The following CADPS variants were observed in gnomAD, a reference collection of about 807,000 sequenced individuals.
CADPS encodes calcium dependent secretion activator.
In CADPS, 57 loss-of-function variants were observed where a neutral mutation model predicts 167.3. That is an observed-to-expected ratio of 0.34 (90% CI 0.28 to 0.42). CADPS has a LOEUF of 0.42. Among genes scored for constraint, CADPS ranks in the 20% least tolerant of loss-of-function variants. The pLI, the probability that CADPS is intolerant of heterozygous loss-of-function variation, is 1.00. For missense variants in CADPS, 1,414 were observed against 1,738.1 expected (o/e 0.81, Z 3.32); for synonymous variants, 676 against 635.3 (o/e 1.06, Z -0.96).
At chr3:62,541,521 T>C (rs1289233351) in intron 11 of CADPS, among the ~76,000 whole-genome samples, 1 of 152,160 alleles carries the variant, frequency 6.6e-6, no homozygotes, top group East Asian at 1.9e-4. Context: ...TTGATGAACA[T>C]ACAGACTTAC....
chr3:62,467,959 CTT>C (rs2060138723), intron 24 of CADPS, among the ~76,000 whole-genome samples: 1 of 152,080 alleles, frequency 6.6e-6, no homozygotes, highest in African/African-American at 2.4e-5. Context: ...GAGAGACAGT[CTT>C]ATCACTTAGT....
chr3:62,623,569 C>A (rs1330484677), intron 6 of CADPS, among the ~76,000 whole-genome samples: 1 of 152,284 alleles, frequency 6.6e-6, no homozygotes, highest in South Asian at 2.1e-4. Flanking sequence ...ACCCAAGAAT[C>A]AAGCCCTAAA....
At chr3:62,870,460 C>A (rs552844889) in intron 1 of CADPS, among the ~76,000 whole-genome samples, 2 of 152,108 alleles carry the variant, frequency 1.3e-5, no homozygotes, top group African/African-American at 2.4e-5. Context: ...TTTAGTCTTG[C>A]CCAAATAAGC....
intron 4 of CADPS, among the ~76,000 whole-genome samples, chr3:62,661,126 T>C (rs1399092206): frequency 6.6e-6 from 1 of 152,186 alleles, no homozygotes; most frequent in African/African-American, 2.4e-5. Context: ...ATATCAGAGA[T>C]GGCAGGGATA....
intron 21 of CADPS, among the ~76,000 whole-genome samples, chr3:62,483,243 G>A (rs997037417): frequency 4.7e-5 from 7 of 150,302 alleles, no homozygotes; most frequent in African/African-American, 1.7e-4. Context: ...TGGGCAAGCT[G>A]TGTTTGACTA....
chr3:62,762,895 C>G (rs2085855556), intron 2 of CADPS, among the ~76,000 whole-genome samples: 1 of 152,024 alleles, frequency 6.6e-6, no homozygotes, highest in South Asian at 2.1e-4. Flanking sequence ...TGCTGTTACA[C>G]TATTTTTTAA....
intron 1 of CADPS, among the ~76,000 whole-genome samples, chr3:62,782,176 A>G (rs971649979): frequency 9.2e-5 from 14 of 152,186 alleles, no homozygotes; most frequent in East Asian, 7.8e-4. Context: ...CCAGGGGGGA[A>G]AAAAGACATT....
intron 1 of CADPS, among the ~76,000 whole-genome samples, chr3:62,823,821 G>T (rs1409749144): frequency 6.6e-6 from 1 of 152,098 alleles, no homozygotes; most frequent in Non-Finnish European, 1.5e-5. Context: ...ATTCCTGCTG[G>T]TTGCCTTTCC....
intron 3 of CADPS, among the ~76,000 whole-genome samples, chr3:62,664,003 C>A (rs1019134868): frequency 3.9e-5 from 6 of 152,092 alleles, no homozygotes; most frequent in Non-Finnish European, 1.5e-5. Context: ...TTGACCAACT[C>A]AACTATTTAT....
At chr3:62,816,414 T>C (rs1306931535) in intron 1 of CADPS, among the ~76,000 whole-genome samples, 1 of 152,056 alleles carries the variant, frequency 6.6e-6, no homozygotes, top group Non-Finnish European at 1.5e-5. Flanking sequence ...CCCAGGAAAG[T>C]AACTTGTGTT....
At chr3:62,654,665 G>C (rs2071078627) in intron 4 of CADPS, among the ~76,000 whole-genome samples, 1 of 152,114 alleles carries the variant, frequency 6.6e-6, no homozygotes, top group Non-Finnish European at 1.5e-5. Context: ...GGCTGTCACG[G>C]AACAAAGGTT....
intron 6 of CADPS, among the ~76,000 whole-genome samples, chr3:62,642,976 C>T (rs2067756920): frequency 1.3e-5 from 2 of 151,056 alleles, no homozygotes; most frequent in South Asian, 4.3e-4. Context: ...AACCTCAAAA[C>T]AAAACAAAAC....
chr3:62,795,635 G>A (rs2093353642), intron 1 of CADPS, among the ~76,000 whole-genome samples: 1 of 152,050 alleles, frequency 6.6e-6, no homozygotes, highest in Non-Finnish European at 1.5e-5. Context: ...TTCATTGAGT[G>A]CCCACAAAGT....
At chr3:62,443,364 TA>T (rs1039074377) in intron 27 of CADPS, among the ~76,000 whole-genome samples, 2 of 152,234 alleles carry the variant, frequency 1.3e-5, no homozygotes, top group African/African-American at 4.8e-5. Flanking sequence ...TAATCAGTGG[TA>T]AATGTACCAC....
intron 3 of CADPS, among the ~76,000 whole-genome samples, chr3:62,731,938 G>C: frequency 7.0e-6 from 1 of 141,940 alleles, no homozygotes; most frequent in African/African-American, 2.7e-5. Context: ...CCCCTTAGAG[G>C]TGGAGCCATG....
intron 12 of CADPS, among the ~76,000 whole-genome samples, chr3:62,535,676 T>C (rs2074546566): frequency 6.6e-6 from 1 of 152,086 alleles, no homozygotes; most frequent in South Asian, 2.1e-4. Flanking sequence ...AGAAATGAAA[T>C]AACAATTTAT....
intron 1 of CADPS, among the ~76,000 whole-genome samples, chr3:62,839,311 C>T (rs2076318449): frequency 6.6e-6 from 1 of 152,108 alleles, no homozygotes; most frequent in South Asian, 2.1e-4. Context: ...TATCCTGCCT[C>T]AGGAGAGTAG....
At chr3:62,573,421 T>A (rs1449800541) in intron 8 of CADPS, among the ~76,000 whole-genome samples, 1 of 152,188 alleles carries the variant, frequency 6.6e-6, no homozygotes, top group Non-Finnish European at 1.5e-5. Context: ...CGTCTATATA[T>A]CATTAAAACC....
At chr3:62,616,832 C>T (rs2062394395) in intron 6 of CADPS, among the ~76,000 whole-genome samples, 1 of 152,126 alleles carries the variant, frequency 6.6e-6, no homozygotes, top group African/African-American at 2.4e-5. Context: ...ATCATATTAT[C>T]TATATATTGT....
Sources: gnomAD v4.1 joint callset for allele counts (sites outside exome capture counted in the v4.1 genomes callset) on GRCh38, gnomAD v4.1.1 for gene constraint, MANE v1.5 for transcripts, NCBI Gene and HGNC (gene_info 2026-07-23, HGNC 2026-07-21) for gene names.